The following TOM1 variants were observed in gnomAD, a reference collection of about 807,000 sequenced individuals.
The protein encoded by TOM1 is target of Myb protein 1.
In TOM1, 38 loss-of-function variants were observed where a neutral mutation model predicts 61.3. That is an observed-to-expected ratio of 0.62 (90% CI 0.48 to 0.81). TOM1 has a LOEUF of 0.81. TOM1 is among the 40% of genes least tolerant of loss of function. TOM1 has a pLI of 0.00. For missense variants in TOM1, 591 were observed against 659.6 expected (o/e 0.90, Z 1.14); for synonymous variants, 270 against 268.8 (o/e 1.00, Z -0.04).
intron 1 of TOM1, among the ~76,000 whole-genome samples, chr22:35,315,689 T>A (rs1338403339): frequency 1.3e-5 from 2 of 152,162 alleles, no homozygotes; most frequent in Non-Finnish European, 2.9e-5. Flanking sequence ...GCTCAGGACC[T>A]GAGGGTAGAA....
intron 1 of TOM1, among the ~76,000 whole-genome samples, chr22:35,309,017 C>T (rs1052080612): frequency 6.6e-6 from 1 of 151,896 alleles, no homozygotes; most frequent in Non-Finnish European, 1.5e-5. Context: ...AAATAGTTTT[C>T]AAGACAAGTT....
intron 1 of TOM1, among the ~76,000 whole-genome samples, chr22:35,304,199 T>A (rs1926106361): frequency 6.6e-6 from 1 of 152,122 alleles, no homozygotes; most frequent in Non-Finnish European, 1.5e-5. Context: ...CCACACTGCC[T>A]CGAGCTGCCC....
At chr22:35,329,426 T>A (rs549322223) in intron 7 of TOM1, among the ~76,000 whole-genome samples, 33 of 152,356 alleles carry the variant, frequency 2.2e-4, no homozygotes, top group African/African-American at 7.9e-4. Flanking sequence ...CCAGTTTTAA[T>A]GTTTAATGGT....
intron 3 of TOM1, 57 bp downstream of exon 3, chr22:35,322,094 C>T: frequency 6.6e-7 from 1 of 1,517,324 alleles, no homozygotes; most frequent in Non-Finnish European, 9.1e-7. Context: ...AAAGTCACCT[C>T]CCCTCAGACC....
intron 13 of TOM1, 93 bp from the exon 14 acceptor site, chr22:35,346,837 G>T (rs547901228): frequency 5.0e-5 from 62 of 1,246,902 alleles, no homozygotes; most frequent in Non-Finnish European, 6.6e-5. Flanking sequence ...CAGTGCTGAG[G>T]TTCAGCGGGG....
At chr22:35,307,050 C>T (rs1262934804) in intron 1 of TOM1, among the ~76,000 whole-genome samples, 2 of 152,086 alleles carry the variant, frequency 1.3e-5, no homozygotes, top group Non-Finnish European at 2.9e-5. Context: ...AAAACCCAAA[C>T]CCTCAGTGTC....
At chr22:35,335,209 G>C (rs1929202420) in intron 11 of TOM1, among the ~76,000 whole-genome samples, 1 of 152,164 alleles carries the variant, frequency 6.6e-6, no homozygotes, top group Admixed American at 6.5e-5. Flanking sequence ...GCTGTGGGCA[G>C]CCAGGATTCT....
rs576681161 is a variant in TOM1, at chr22:35,331,297, G to A, written c.899+817G>A. 5.1e-4 allele frequency: 227 copies of A among 446,176 alleles called. 6 individuals are homozygous for A. Among genetic ancestry groups the A allele is most frequent in the South Asian group, 3.5e-3 (222 of 63,258 alleles). The allele number at this position is 446,176 out of a possible 1,614,324, so 27.6% of individuals were successfully genotyped here. On this transcript the variant is annotated intron_variant, in intron 8 of 14. Coordinates refer to ENST00000449058, the MANE Select transcript of TOM1 (RefSeq NM_005488.3). ...CTTTTTTTTTTTTTCTTTTTGCAGA[G>A]ACAGGGGTCTCACTGTGTTGCCCAG...
chr22:35,300,381 C>T (rs1444312292), intron 1 of TOM1, among the ~76,000 whole-genome samples: 1 of 152,154 alleles, frequency 6.6e-6, no homozygotes, highest in African/African-American at 2.4e-5. Flanking sequence ...CTCACCGGGC[C>T]CTCCGGACAC....
chr22:35,335,965 G>C (rs1229989173), intron 11 of TOM1, among the ~76,000 whole-genome samples: 13 of 152,166 alleles, frequency 8.5e-5, no homozygotes, highest in Admixed American at 8.5e-4. Context: ...CAGCAGCTGG[G>C]AAAGATGCTC....
At chr22:35,314,047 C>T (rs930870886) in intron 1 of TOM1, among the ~76,000 whole-genome samples, 1 of 152,310 alleles carries the variant, frequency 6.6e-6, no homozygotes, top group South Asian at 2.1e-4. Flanking sequence ...AAAAACAAAG[C>T]AAATATTGCC....
At chr22:35,345,952 GC>G (rs1019172148) in intron 13 of TOM1, among the ~76,000 whole-genome samples, 168 bp downstream of exon 13, 3 of 152,158 alleles carry the variant, frequency 2.0e-5, no homozygotes, top group African/African-American at 7.2e-5. Flanking sequence ...TGTTTGGCAC[GC>G]CCCCCAGAGA....
chr22:35,305,275 C>T (rs1020499085), intron 1 of TOM1, among the ~76,000 whole-genome samples: 3 of 152,228 alleles, frequency 2.0e-5, no homozygotes, highest in Admixed American at 1.3e-4. Context: ...CACAGAGGTG[C>T]TGTCATTCTC....
Position 35,347,117 on chromosome 22 carries a change from C to G in TOM1, c.1387C>G (p.Pro463Ala). The G allele has an allele frequency of 6.2e-7, 1 of 1,613,732 alleles. No individual in the cohort carries two copies. Among genetic ancestry groups the G allele is most frequent in the Non-Finnish European group, 8.5e-7 (1 of 1,179,838 alleles). Residue 463 changes from proline to alanine, a missense_variant, in exon 15 of 15, where the codon CCC becomes GCC. Pro to Ala is a conservative substitution (Grantham distance 27, BLOSUM62 -1). Coordinates refer to ENST00000449058, the MANE Select transcript of TOM1 (RefSeq NM_005488.3). ...AADRLPNLSS[P>A]SAEGPPGPPS... ...GGACCGATTGCCCAACCTCTCCAGCCCCTCAGCTGAGGGGCCCCCGGGTCC... is the reference window on the plus strand; with the variant it reads ...GGACCGATTGCCCAACCTCTCCAGCGCCTCAGCTGAGGGGCCCCCGGGTCC...
intron 1 of TOM1, among the ~76,000 whole-genome samples, chr22:35,316,784 C>G (rs951689713): frequency 2.0e-5 from 3 of 152,172 alleles, no homozygotes; most frequent in Admixed American, 1.3e-4. Flanking sequence ...ACTTTCGCCT[C>G]AACTTTTTTT....
intron 1 of TOM1, among the ~76,000 whole-genome samples, chr22:35,312,777 C>T (rs1926946583): frequency 6.6e-6 from 1 of 152,176 alleles, no homozygotes; most frequent in Admixed American, 6.5e-5. Flanking sequence ...GGGCAAGCCA[C>T]ATAGAGGAAG....
At chr22:35,342,359 G>A (rs971162234) in intron 12 of TOM1, among the ~76,000 whole-genome samples, 4 of 152,050 alleles carry the variant, frequency 2.6e-5, no homozygotes, top group South Asian at 2.1e-4. Context: ...ACAGGGTGAC[G>A]GGCTGGGAGC....
chr22:35,346,945 G>T lies in TOM1; in HGVS notation c.1300G>T (p.Glu434Ter). ...LSTDVGNDAEEPKGVTSEEFD... is the reference protein window; with the variant it reads ...LSTDVGNDAE Reference sequence around the variant, plus strand: ...ACCTTCCCAGGGTAATGATGCGGAAGAGCCTAAGGGGGTCACCAGCGAAGG... The same window carrying T: ...ACCTTCCCAGGGTAATGATGCGGAATAGCCTAAGGGGGTCACCAGCGAAGG... The change falls in exon 14 of 15, where the codon GAG becomes TAG. Residue 434 changes from glutamate to a stop codon, truncating the protein, a stop_gained. Transcript: ENST00000449058. LOFTEE classifies it high-confidence loss of function. 6.2e-7 allele frequency: 1 copy of T among 1,612,866 alleles called. No individual in the cohort carries two copies. Among genetic ancestry groups the T allele is most frequent in the Non-Finnish European group, 8.5e-7 (1 of 1,179,584 alleles).
chr22:35,323,057 G>C lies in TOM1; in HGVS notation c.246G>C (p.Gly82=). The C allele has an allele frequency of 3.7e-6, 6 of 1,614,130 alleles. No homozygotes were observed. The highest frequency in any genetic ancestry group is 5.1e-6 in the Non-Finnish European group (6 of 1,180,046). The change falls in exon 4 of 15, where the codon GGG becomes GGC. Residue 82 remains glycine, a synonymous_variant. Coordinates refer to ENST00000449058, the MANE Select transcript of TOM1 (RefSeq NM_005488.3). The surrounding 1 kb of genome is among the most constrained non-coding windows in gnomAD (Gnocchi z 4.2). ...TVLETCVKNC[G]HRFHVLVASQ... ...TAGAAACCTGTGTCAAGAACTGCGGGCACCGCTTCCACGTGCTGGTGGCCA... is the reference window on the plus strand; with the variant it reads ...TAGAAACCTGTGTCAAGAACTGCGGCCACCGCTTCCACGTGCTGGTGGCCA...
Sources: allele counts gnomAD v4.1 joint callset (sites outside exome capture counted in the v4.1 genomes callset), GRCh38; gene constraint gnomAD v4.1.1; non-coding constraint Gnocchi (gnomAD v3.1); transcripts MANE v1.5; gene names NCBI Gene and HGNC (gene_info 2026-07-23, HGNC 2026-07-21).